ECM1: variants seen among roughly 807,000 people sequenced by gnomAD.
ECM1 encodes the protein extracellular matrix protein 1.
A neutral mutation model predicts 57.9 loss-of-function variants in ECM1; 54 were observed. The ratio of observed to expected loss-of-function variants is 0.93; its 90% CI spans 0.75 to 1.17. ECM1 has a LOEUF of 1.17. ECM1 is among the 50% of genes most tolerant of loss of function. The pLI, the probability that ECM1 is intolerant of heterozygous loss-of-function variation, is 0.00. For missense variants in ECM1, 649 were observed against 688.1 expected (o/e 0.94, Z 0.64); for synonymous variants, 237 against 259.1 (o/e 0.91, Z 0.82).
rs777381856 is a variant in ECM1, at chr1:150,512,436, C to G, written c.1168C>G (p.Pro390Ala). 23 of 1,613,688 alleles carry G rather than the reference C, an allele frequency of 1.4e-5. No individual in the cohort carries two copies. The highest frequency in any genetic ancestry group is 1.9e-5 in the Non-Finnish European group (23 of 1,179,964). Residue 390 changes from proline (P) to alanine (A), a missense_variant, in exon 8 of 10, where the codon CCT becomes GCT. Transcript: ENST00000369047. ...HHLCCRHPPS[P>A]TRDECFARRA... ...CTTGTGTTGCCGCCACCCTCCCAGC[C>G]CTACTCGGGATGAGTGCTTTGCCCG...
rs587651183 is a variant in ECM1 at position 150,512,382 on chromosome 1, C to T, written c.1114C>T (p.Arg372Trp). Residue 372 changes from arginine to tryptophan, a missense_variant, in exon 8 of 10, where the codon CGG (arginine) becomes TGG (tryptophan). Transcript: ENST00000369047. ...GGATACCCTTGACAAATACTGTGAC[C>T]GGGAGTATGCTGTGAAGACCCACCA... ...WEDTLDKYCDREYAVKTHHHL... is the reference protein window; with the variant it reads ...WEDTLDKYCDWEYAVKTHHHL... The T allele has an allele frequency of 1.2e-4, 196 of 1,613,212 alleles. 4 individuals carry two copies. In the Admixed American group the frequency reaches 3.1e-3, roughly 25 times the overall value.
At chr1:150,510,476 C>T in intron 5 of ECM1, 1 of 570,518 alleles carries the variant, frequency 1.8e-6, no homozygotes, top group Non-Finnish European at 3.1e-6. Flanking sequence ...GATGGCCATC[C>T]CAACATGGCT....
rs190769895 is a variant in ECM1 at position 150,511,176 on chromosome 1, G to A, written c.686G>A (p.Arg229His). The change falls in exon 6 of 10, where the codon CGC becomes CAC. Residue 229 changes from arginine (R) to histidine (H), a missense_variant. Transcript: ENST00000369047. ...TGCCACTGCCGCAGCCACACAAACC[G>A]CCTAGAGTGTGCCAAACTTGTGGTA... The part of the protein sequence containing the change: ...RCCHCRSHTN[R>H]LECAKLVWEE... The A allele has an allele frequency of 5.6e-6, 9 of 1,614,186 alleles. No individual in the cohort carries two copies. Among genetic ancestry groups the A allele is most frequent in the Non-Finnish European group, 5.9e-6 (7 of 1,180,030 alleles).
At chr1:150,513,177 A>T in intron 9 of ECM1, 60 bp from the exon 10 acceptor site, 1 of 1,556,576 alleles carries the variant, frequency 6.4e-7, no homozygotes, top group Non-Finnish European at 8.9e-7. Flanking sequence ...CCAAGTATCT[A>T]CATCTGTCCT....
intron 7 of ECM1, 91 bp downstream of exon 7, chr1:150,511,922 C>T (rs1365043681): frequency 7.4e-7 from 1 of 1,358,390 alleles, no homozygotes; most frequent in South Asian, 1.4e-5. Flanking sequence ...TCCATGTACC[C>T]CCCCTGCTGT....
At position 150,509,763 on chromosome 1, in the gene ECM1, G is replaced by A. The variant is rs1298971670; in HGVS notation, c.223+1G>A. 1 of 1,613,800 alleles carries A rather than the reference G, an allele frequency of 6.2e-7. No homozygotes were observed. Among genetic ancestry groups the A allele is most frequent in the Non-Finnish European group, 8.5e-7 (1 of 1,179,884 alleles). On this transcript the variant is annotated splice_donor_variant, in intron 3 of 9. Transcript: ENST00000369047. LOFTEE classifies it high-confidence loss of function. ...CCTCCCTTTGAGGGACAGAGTCAAG[G>A]TAAGGTCACCATCCCATGCCCTCCT...
In ECM1 at chr1:150,510,974, C is replaced by T. The variant is rs1408148936; in HGVS notation, c.484C>T (p.His162Tyr). The T allele has an allele frequency of 6.2e-7, 1 of 1,614,096 alleles. No homozygotes were observed. The highest frequency in any genetic ancestry group is 8.5e-7 in the Non-Finnish European group (1 of 1,180,056). The part of the protein sequence containing the change: ...QQDRSQGGWG[H>Y]RLDGFPPGRP... Reference sequence around the variant, plus strand: ...GGACCGGTCCCAAGGGGGCTGGGGCCACCGGCTGGATGGCTTCCCCCCTGG... The same window carrying T: ...GGACCGGTCCCAAGGGGGCTGGGGCTACCGGCTGGATGGCTTCCCCCCTGG... The change falls in exon 6 of 10, where the codon CAC (histidine) becomes TAC (tyrosine). Residue 162 changes from histidine to tyrosine, a missense_variant. Physicochemically the swap from His to Tyr is moderately conservative, Grantham distance 83. Coordinates refer to ENST00000369047, the MANE Select transcript of ECM1 (RefSeq NM_004425.4).
At chr1:150,512,617 T>C (rs769290753) in intron 8 of ECM1, 45 bp downstream of exon 8, 2 of 1,612,940 alleles carry the variant, frequency 1.2e-6, no homozygotes, top group Admixed American at 1.7e-5. Flanking sequence ...TCCCGAAAAC[T>C]TCCTTTTGGG....
At position 150,511,534 on chromosome 1, in the gene ECM1, G is replaced by C. The variant is rs766938720; in HGVS notation, c.786G>C (p.Gln262His). ...KTRPHWCCTRQGEARFSCFQE... is the reference protein window; with the variant it reads ...KTRPHWCCTRHGEARFSCFQE... ...GACCCCACTGGTGCTGCACGCGGCA[G>C]GGGGAGGCTCGGTTCTCCTGCTTCC... is the stretch of plus-strand genomic sequence containing the variant. Residue 262 changes from glutamine (Q) to histidine (H), a missense_variant, in exon 7 of 10, where the codon CAG becomes CAC. Coordinates refer to ENST00000369047, the MANE Select transcript of ECM1 (RefSeq NM_004425.4). The C allele has an allele frequency of 2.5e-6, 4 of 1,614,172 alleles. No homozygotes were observed. The highest frequency in any genetic ancestry group is 1.7e-5 in the Admixed American group (1 of 60,036).
chr1:150,511,161 G>T lies in ECM1; in HGVS notation c.671G>T (p.Arg224Leu). Residue 224 changes from arginine (R) to leucine (L), a missense_variant, in exon 6 of 10, where the codon CGC (arginine) becomes CTC (leucine). Coordinates refer to ENST00000369047, the MANE Select transcript of ECM1 (RefSeq NM_004425.4). ...EIGYSRCCHC[R>L]SHTNRLECAK... ...GGATATTCCCGCTGCTGCCACTGCCGCAGCCACACAAACCGCCTAGAGTGT... is the reference window on the plus strand; with the variant it reads ...GGATATTCCCGCTGCTGCCACTGCCTCAGCCACACAAACCGCCTAGAGTGT... 6.2e-7 allele frequency: 1 copy of T among 1,614,198 alleles called. No homozygotes were observed. Among genetic ancestry groups the T allele is most frequent in the Non-Finnish European group, 8.5e-7 (1 of 1,180,028 alleles).
chr1:150,512,281 A>C (rs1670463571), intron 7 of ECM1, 71 bp from the exon 8 acceptor site: 6 of 1,541,470 alleles, frequency 3.9e-6, no homozygotes, highest in Non-Finnish European at 5.4e-6. Context: ...CAGGGACGAT[A>C]AGGGAAGTCG....
At chr1:150,510,220 C>G in intron 5 of ECM1, 38 bp downstream of exon 5, 1 of 1,589,992 alleles carries the variant, frequency 6.3e-7, no homozygotes, top group Non-Finnish European at 8.6e-7. Flanking sequence ...ACCTTTACCT[C>G]ATGGCCTTCC....
chr1:150,513,117 G>A, intron 9 of ECM1, 120 bp from the exon 10 acceptor site: 1 of 1,074,464 alleles, frequency 9.3e-7, no homozygotes. Flanking sequence ...GCCCCAGGAG[G>A]GGAACGAGGG....
intron 5 of ECM1, 76 bp from the exon 6 acceptor site, chr1:150,510,800 T>C: frequency 9.4e-6 from 14 of 1,495,522 alleles, no homozygotes; most frequent in Non-Finnish European, 1.3e-5. Flanking sequence ...CCCAGATTCT[T>C]TCAATCCTCC....
chr1:150,509,689 C>T lies in ECM1; in HGVS notation c.150C>T (p.Pro50=). The stretch of plus-strand genomic sequence containing the variant: ...GCTACGCAGCTCCCCCCTCCCCACC[C>T]CTATCCCGAAGCCTCCCCATGGATC... ...EVGYAAPPSP[P]LSRSLPMDHP... is the part of the protein sequence containing the mutation. Residue 50 remains proline (P), a synonymous_variant, in exon 3 of 10, where the codon CCC becomes CCT. Coordinates refer to ENST00000369047, the MANE Select transcript of ECM1 (RefSeq NM_004425.4). 6.2e-7 allele frequency: 1 copy of T among 1,613,558 alleles called. No individual in the cohort carries two copies. Among genetic ancestry groups the T allele is most frequent in the Non-Finnish European group, 8.5e-7 (1 of 1,179,608 alleles).
At chr1:150,508,472 AG>A (rs1670336997) in intron 1 of ECM1, among the ~76,000 whole-genome samples, 193 bp downstream of exon 1, 1 of 152,170 alleles carries the variant, frequency 6.6e-6, no homozygotes, top group African/African-American at 2.4e-5. Context: ...ACAGAAGGAG[AG>A]GGGTTCCTAG....
At position 150,511,816 on chromosome 1, in the gene ECM1, C is replaced by T. The variant is rs766889132; in HGVS notation, c.1068C>T (p.Thr356=). 1.2e-6 allele frequency: 2 copies of T among 1,610,252 alleles called. No homozygotes were observed. Among genetic ancestry groups the T allele is most frequent in the East Asian group, 2.2e-5 (1 of 44,812 alleles). Residue 356 remains threonine (T), a synonymous_variant, in exon 7 of 10, where the codon ACC becomes ACT. Coordinates refer to ENST00000369047, the MANE Select transcript of ECM1 (RefSeq NM_004425.4). ...GCTGCCGCCAGGGGAACAATCACACCTGTACATGGAAGGCCGTAAGTGGGC... is the reference window on the plus strand; with the variant it reads ...GCTGCCGCCAGGGGAACAATCACACTTGTACATGGAAGGCCGTAAGTGGGC... The part of the protein sequence containing the change: ...QRCCRQGNNH[T]CTWKAWEDTL...
At chr1:150,509,108 G>A (rs1413328247) in intron 1 of ECM1, among the ~76,000 whole-genome samples, 1 of 152,210 alleles carries the variant, frequency 6.6e-6, no homozygotes, top group Non-Finnish European at 1.5e-5. Context: ...AGGAGGGTGG[G>A]TGGAGGAGGT....
intron 5 of ECM1, 26 bp from the exon 6 acceptor site, chr1:150,510,850 G>A (rs377704719): frequency 5.8e-5 from 94 of 1,612,248 alleles, no homozygotes; most frequent in African/African-American, 3.7e-4. Flanking sequence ...ACATGTCCCC[G>A]CTTCCCACTG....
Sources: allele counts gnomAD v4.1 joint callset (sites outside exome capture counted in the v4.1 genomes callset), GRCh38; gene constraint gnomAD v4.1.1; transcripts MANE v1.5; gene names NCBI Gene and HGNC (gene_info 2026-07-23, HGNC 2026-07-21).